NFIC: variants seen among roughly 807,000 people sequenced by gnomAD.
NFIC encodes nuclear factor 1 C-type.
A neutral mutation model predicts 54.4 loss-of-function variants in NFIC; 12 were observed. The observed-to-expected ratio is 0.22, with a 90% CI of 0.14 to 0.36. NFIC has a LOEUF of 0.36. NFIC is among the 10% of genes least tolerant of loss of function. The pLI is 1.00. For synonymous variants in NFIC, 322 were observed against 319.2 expected (o/e 1.01, Z -0.09); for missense variants, 575 against 718.2 (o/e 0.80, Z 2.28).
intron 3 of NFIC, among the ~76,000 whole-genome samples, chr19:3,427,923 A>G (rs2082053010): frequency 6.6e-6 from 1 of 151,928 alleles, no homozygotes; most frequent in Non-Finnish European, 1.5e-5. Flanking sequence ...TAATCCCAGC[A>G]CTTTGGGGGA....
rs1001948142 is a variant in NFIC at position 3,458,404 on chromosome 19, C to T, written c.1509+1769C>T. Among the ~76,000 whole-genome samples, 1 of 152,146 alleles carries T rather than the reference C, an allele frequency of 6.6e-6. No homozygotes were observed. Among genetic ancestry groups the T allele is most frequent in the East Asian group, 1.9e-4 (1 of 5,182 alleles). ...TGGGAGGAGGCCCAGCCCGCTTAAC[C>T]CTTCCCCAGCCTCTGCCTTGGACCA... On this transcript the variant is annotated intron_variant, in intron 10 of 10. Coordinates refer to ENST00000443272, the MANE Select transcript of NFIC (RefSeq NM_001245002.2). This position sits in a 1 kb window ranked among gnomAD's most constrained non-coding sequence, Gnocchi z 4.1.
At chr19:3,443,181 C>T (rs1043529810) in intron 6 of NFIC, among the ~76,000 whole-genome samples, 1 of 152,180 alleles carries the variant, frequency 6.6e-6, no homozygotes, top group African/African-American at 2.4e-5. Flanking sequence ...CACCTGTAAT[C>T]CCAGCACTTT....
rs1184567033 is a variant in NFIC, at chr19:3,449,039, A to C, written c.984A>C (p.Thr328=). Residue 328 remains threonine (T), a synonymous_variant, in exon 7 of 11, where the codon ACA becomes ACC. Coordinates refer to ENST00000443272, the MANE Select transcript of NFIC (RefSeq NM_001245002.2). The part of the protein sequence containing the change: ...EGGISSPVKK[T]EMDKSPFNSP... ...GCATCTCGTCCCCGGTGAAGAAGACAGAGATGGACAAGTCACCATTCAACA... is the reference window on the plus strand; with the variant it reads ...GCATCTCGTCCCCGGTGAAGAAGACCGAGATGGACAAGTCACCATTCAACA... The C allele has an allele frequency of 6.2e-7, 1 of 1,613,346 alleles. No individual in the cohort carries two copies.
chr19:3,360,074 T>C (rs2080790367), intron 1 of NFIC, among the ~76,000 whole-genome samples: 1 of 144,700 alleles, frequency 6.9e-6, no homozygotes, highest in Non-Finnish European at 1.5e-5. Flanking sequence ...GCGCAGTCCG[T>C]GGGGGAGCCC....
In NFIC at chr19:3,458,981, GA is replaced by G. The variant is rs2082600981; in HGVS notation, c.1509+2347del. ...TGACTGGACTAAGAGCACCTGGGTTGAGGCCGGGCGCCGCCACCTCCCTGCA... is the reference window on the plus strand; with the variant it reads ...TGACTGGACTAAGAGCACCTGGGTTGGGCCGGGCGCCGCCACCTCCCTGCA... On this transcript the variant is annotated intron_variant, in intron 10 of 10. Transcript: ENST00000443272. The surrounding 1 kb of genome is among the most constrained non-coding windows in gnomAD (Gnocchi z 4.1). 6.6e-6 allele frequency among the ~76,000 whole-genome samples: 1 copy of G among 152,064 alleles called. No individual in the cohort carries two copies. The highest frequency in any genetic ancestry group is 1.5e-5 in the Non-Finnish European group (1 of 67,978).
intron 6 of NFIC, 27 bp from the exon 7 acceptor site, chr19:3,448,987 G>A (rs2082413804): frequency 1.2e-6 from 2 of 1,601,924 alleles, no homozygotes; most frequent in Non-Finnish European, 1.7e-6. Flanking sequence ...ACCAGCCTGT[G>A]ACTCTCTCGT....
At chr19:3,429,870 G>A (rs1292810030) in intron 3 of NFIC, among the ~76,000 whole-genome samples, 1 of 152,216 alleles carries the variant, frequency 6.6e-6, no homozygotes, top group African/African-American at 2.4e-5. Flanking sequence ...TGGCCCTCAG[G>A]GAGGTGATGA....
In NFIC at chr19:3,375,763, G is replaced by A. The variant is rs967076117; in HGVS notation, c.31-5949G>A. 3.3e-5 allele frequency among the ~76,000 whole-genome samples: 5 copies of A among 152,174 alleles called. No homozygotes were observed. Among genetic ancestry groups the A allele is most frequent in the African/African-American group, 1.2e-4 (5 of 41,440 alleles). On this transcript the variant is annotated intron_variant, in intron 1 of 10. Coordinates refer to ENST00000443272, the MANE Select transcript of NFIC (RefSeq NM_001245002.2). This position sits in a 1 kb window ranked among gnomAD's most constrained non-coding sequence, Gnocchi z 4.6. ...TGCCCCTCCCCCCGAAGCACCCCAC[G>A]GCCGGAGGTGGCCCAAGGGGACGTG...
chr19:3,430,298 C>G (rs2145619877), intron 3 of NFIC, among the ~76,000 whole-genome samples: 1 of 151,256 alleles, frequency 6.6e-6, no homozygotes, highest in South Asian at 2.1e-4. Context: ...TCTCGGCTCA[C>G]TGCAACCTCC....
At chr19:3,412,279 G>T (rs2081775965) in intron 2 of NFIC, among the ~76,000 whole-genome samples, 1 of 151,544 alleles carries the variant, frequency 6.6e-6, no homozygotes, top group Non-Finnish European at 1.5e-5. Flanking sequence ...ATGGGGTCTT[G>T]CTCTGTTGCC....
intron 1 of NFIC, among the ~76,000 whole-genome samples, chr19:3,373,762 G>C (rs2081062288): frequency 1.3e-5 from 2 of 152,226 alleles, no homozygotes; most frequent in East Asian, 3.9e-4. Flanking sequence ...CCCCAGATCT[G>C]GATCCAGGTG....
intron 6 of NFIC, 150 bp downstream of exon 6, chr19:3,435,357 T>C: frequency 8.4e-7 from 1 of 1,192,706 alleles, no homozygotes; most frequent in East Asian, 2.8e-5. Flanking sequence ...CGTCCCGAGC[T>C]GCGCTTGGCT....
At chr19:3,447,943 T>A (rs2082397172) in intron 6 of NFIC, among the ~76,000 whole-genome samples, 1 of 152,352 alleles carries the variant, frequency 6.6e-6, no homozygotes, top group East Asian at 1.9e-4. Context: ...TCATTCTTGT[T>A]GCCTGGGCTG....
chr19:3,374,151 TTCTTG>T (rs1180209946), intron 1 of NFIC, among the ~76,000 whole-genome samples: 1 of 152,188 alleles, frequency 6.6e-6, no homozygotes, highest in Non-Finnish European at 1.5e-5. Context: ...AAATTGGAGT[TTCTTG>T]TCCTGGTTTG....
At chr19:3,380,309 C>CTCT (rs2081183960) in intron 1 of NFIC, among the ~76,000 whole-genome samples, 1 of 65,148 alleles carries the variant, frequency 1.5e-5, no homozygotes, top group African/African-American at 7.1e-5. Flanking sequence ...CAGCCTTGTT[C>CTCT]TTTTTTTTTT....
intron 2 of NFIC, among the ~76,000 whole-genome samples, chr19:3,414,576 C>T (rs1485256338): frequency 2.6e-5 from 4 of 150,962 alleles, no homozygotes; most frequent in East Asian, 1.9e-4. Context: ...GTCTGGGAGA[C>T]GGGGCGAGAC....
intron 2 of NFIC, among the ~76,000 whole-genome samples, chr19:3,392,164 C>T (rs894464830): frequency 2.0e-5 from 3 of 150,776 alleles, no homozygotes; most frequent in African/African-American, 4.9e-5. Context: ...CTCCACCTCC[C>T]GGGTTCAAGT....
chr19:3,388,245 G>A (rs2081328601), intron 2 of NFIC, among the ~76,000 whole-genome samples: 1 of 152,204 alleles, frequency 6.6e-6, no homozygotes, highest in Non-Finnish European at 1.5e-5. Flanking sequence ...ATGGGAGGGG[G>A]AGTTCCCCAG....
rs527835423 is a variant in NFIC at position 3,453,701 on chromosome 19, G to C, written c.1270-62G>C. On this transcript the variant is annotated intron_variant, in intron 8 of 10. Coordinates refer to ENST00000443272, the MANE Select transcript of NFIC (RefSeq NM_001245002.2). The surrounding 1 kb of genome is among the most constrained non-coding windows in gnomAD (Gnocchi z 6.7). ...GTGCACAGAGCCGGGGGCGGCCGGC[G>C]CCAGCAGCCCGAGGTAGAGGGGGAG... 7.9e-6 allele frequency: 12 copies of C among 1,527,780 alleles called. No homozygotes were observed. The highest frequency in any genetic ancestry group is 9.6e-6 in the Non-Finnish European group (11 of 1,144,578). 94.6% of individuals were successfully genotyped at this position (1,527,780 alleles called of 1,614,324 possible).
Sources: allele counts gnomAD v4.1 joint callset (sites outside exome capture counted in the v4.1 genomes callset), GRCh38; gene constraint gnomAD v4.1.1; non-coding constraint Gnocchi (gnomAD v3.1); transcripts MANE v1.5; gene names NCBI Gene and HGNC (gene_info 2026-07-23, HGNC 2026-07-21).